The following THSD7B variants were observed in gnomAD, a reference collection of about 807,000 sequenced individuals.
THSD7B encodes the protein thrombospondin type 1 domain containing 7B.
THSD7B carries 138 observed loss-of-function variants against 213.6 expected under a neutral mutation model. The observed-to-expected ratio is 0.65, with a 90% confidence interval of 0.56 to 0.74. The LOEUF (loss-of-function observed/expected upper bound fraction) is 0.74. THSD7B is among the 30% of genes least tolerant of loss of function. The pLI, the probability that THSD7B is intolerant of heterozygous loss-of-function variation, is 0.00. For synonymous variants in THSD7B, 742 were observed against 687.0 expected, an observed-to-expected ratio of 1.08 and a Z score of -1.25; for missense variants, 1,931 against 1,991.5, an observed-to-expected ratio of 0.97 and a Z score of 0.58.
In THSD7B at chr2:137,444,705, TGTTCACA is replaced by T. The variant is rs1687491363; in HGVS notation, c.2960-6138_2960-6132del. On this transcript the variant is annotated intron_variant, in intron 14 of 27. Transcript: ENST00000409968. ...GGGAAAATGCTCCAGGACATTGGTCTGTTCACAGATTTCTTGAATGAGACCTCAAAAG... is the reference window on the plus strand; with the variant it reads ...GGGAAAATGCTCCAGGACATTGGTCTGATTTCTTGAATGAGACCTCAAAAG... 2.0e-5 allele frequency among the ~76,000 whole-genome samples: 3 copies of T among 151,976 alleles called. No individual in the cohort carries two copies. In the South Asian group the frequency reaches 6.2e-4, roughly 32 times the overall value.
intron 7 of THSD7B, among the ~76,000 whole-genome samples, chr2:137,212,791 C>T (rs1055821268): frequency 6.6e-6 from 1 of 151,964 alleles, no homozygotes; most frequent in Non-Finnish European, 1.5e-5. Context: ...AAAACATGCA[C>T]TGAGTCTTGA....
intron 17 of THSD7B, among the ~76,000 whole-genome samples, chr2:137,581,658 G>A (rs1681577194): frequency 1.3e-5 from 2 of 151,078 alleles, no homozygotes; most frequent in Admixed American, 1.3e-4. Context: ...TACTTGGGAG[G>A]CTGAGGCAGG....
At position 137,160,260 on chromosome 2, in the gene THSD7B, C is replaced by T; in HGVS notation, c.1417C>T (p.Pro473Ser). The change falls in exon 6 of 28, where the codon CCC (proline) becomes TCC (serine). Residue 473 changes from proline (P) to serine (S), a missense_variant. Coordinates refer to ENST00000409968, the MANE Select transcript of THSD7B (RefSeq NM_001316349.2). ...ATTATGTGTGGGACCCGCCCCGTTG[C>T]CCTCTCAGCTCTGCAATATCCCTTG... ...KALCVGPAPLPSQLCNIPCST... is the reference protein window; with the variant it reads ...KALCVGPAPLSSQLCNIPCST... 6.2e-7 allele frequency: 1 copy of T among 1,613,680 alleles called. No individual in the cohort carries two copies. The highest frequency in any genetic ancestry group is 8.5e-7 in the Non-Finnish European group (1 of 1,179,708).
chr2:137,370,838 C>T (rs1685523515), intron 12 of THSD7B, among the ~76,000 whole-genome samples: 1 of 151,948 alleles, frequency 6.6e-6, no homozygotes, highest in African/African-American at 2.4e-5. Context: ...CCCATCTTCT[C>T]CAAAAGTTAT....
chr2:136,959,142 T>C (rs1322260659), intron 2 of THSD7B, among the ~76,000 whole-genome samples: 5 of 152,338 alleles, frequency 3.3e-5, no homozygotes, highest in African/African-American at 9.6e-5. Context: ...CTAGGGATCA[T>C]GAACATATCC....
At chr2:137,403,206 T>C (rs1181316694) in intron 12 of THSD7B, among the ~76,000 whole-genome samples, 1 of 152,190 alleles carries the variant, frequency 6.6e-6, no homozygotes, top group African/African-American at 2.4e-5. Flanking sequence ...GTATTGTGTG[T>C]GCATCCATTG....
intron 12 of THSD7B, 103 bp downstream of exon 12, chr2:137,276,129 T>C (rs990717435): frequency 2.4e-6 from 2 of 816,442 alleles, no homozygotes; most frequent in Non-Finnish European, 3.8e-6. Context: ...TGTGATATTA[T>C]TGGCTTGAAT....
intron 15 of THSD7B, among the ~76,000 whole-genome samples, chr2:137,557,742 C>CA (rs1260661548): frequency 2.6e-5 from 4 of 151,994 alleles, no homozygotes; most frequent in Non-Finnish European, 5.9e-5. Context: ...CATAGAGACA[C>CA]AAAAAACCCT....
chr2:136,944,131 C>A (rs1486801866), intron 2 of THSD7B, among the ~76,000 whole-genome samples: 1 of 152,102 alleles, frequency 6.6e-6, no homozygotes, highest in Non-Finnish European at 1.5e-5. Flanking sequence ...GCCTTCATTT[C>A]ATTTTTTACC....
chr2:136,981,489 T>C (rs947211581), intron 2 of THSD7B, among the ~76,000 whole-genome samples: 5 of 152,216 alleles, frequency 3.3e-5, no homozygotes, highest in Non-Finnish European at 7.3e-5. Context: ...GCTTGTCTCT[T>C]CATTTTTTAG....
chr2:137,164,868 C>T (rs367672167), intron 6 of THSD7B, among the ~76,000 whole-genome samples: 11 of 152,004 alleles, frequency 7.2e-5, no homozygotes, highest in East Asian at 3.9e-4. Flanking sequence ...CATCACACAC[C>T]GGGGCCTGTC....
intron 12 of THSD7B, among the ~76,000 whole-genome samples, chr2:137,340,791 G>A (rs1473834035): frequency 6.6e-6 from 1 of 151,638 alleles, no homozygotes; most frequent in Non-Finnish European, 1.5e-5. Flanking sequence ...ATTCCATTGT[G>A]TATGTATCCC....
At chr2:137,329,296 T>G (rs943024860) in intron 12 of THSD7B, among the ~76,000 whole-genome samples, 21 of 152,338 alleles carry the variant, frequency 1.4e-4, no homozygotes, top group African/African-American at 4.8e-4. Flanking sequence ...GACAGCATAT[T>G]GTCCCTGCCC....
At chr2:137,445,368 C>T (rs188436963) in intron 14 of THSD7B, among the ~76,000 whole-genome samples, 2 of 152,022 alleles carry the variant, frequency 1.3e-5, no homozygotes, top group East Asian at 1.9e-4. Flanking sequence ...TGCCCATCAA[C>T]AGATGGCTGG....
At chr2:137,386,289 C>A (rs890518950) in intron 12 of THSD7B, among the ~76,000 whole-genome samples, 4 of 152,192 alleles carry the variant, frequency 2.6e-5, no homozygotes, top group African/African-American at 9.7e-5. Context: ...ATTTCTGTTT[C>A]TTTCATCTGT....
intron 17 of THSD7B, among the ~76,000 whole-genome samples, chr2:137,609,360 C>T (rs1367377519): frequency 3.3e-5 from 5 of 152,152 alleles, no homozygotes; most frequent in African/African-American, 7.2e-5. Context: ...GATATTTTTA[C>T]GTAGCATGAT....
chr2:136,876,045 T>C (rs1683522422), intron 1 of THSD7B, among the ~76,000 whole-genome samples: 1 of 152,246 alleles, frequency 6.6e-6, no homozygotes, highest in Admixed American at 6.5e-5. Context: ...TATTTTCAGA[T>C]ATGCTGAATG....
At chr2:137,356,225 C>G (rs1249554063) in intron 12 of THSD7B, among the ~76,000 whole-genome samples, 2 of 152,136 alleles carry the variant, frequency 1.3e-5, no homozygotes, top group Non-Finnish European at 2.9e-5. Flanking sequence ...TTATATGTAT[C>G]CACGTACCAG....
chr2:137,642,197 A>T, intron 20 of THSD7B: 1 of 263,570 alleles, frequency 3.8e-6, no homozygotes, highest in Non-Finnish European at 7.2e-6. Context: ...ATGAATTGAC[A>T]GTCTACCAAT....
Sources: allele counts gnomAD v4.1 joint callset (sites outside exome capture counted in the v4.1 genomes callset), GRCh38; gene constraint gnomAD v4.1.1; transcripts MANE v1.5; gene names NCBI Gene and HGNC (gene_info 2026-07-23, HGNC 2026-07-21).